MMP16: variants seen among roughly 807,000 people sequenced by gnomAD.
MMP16 encodes matrix metallopeptidase 16.
A neutral mutation model predicts 67.8 loss-of-function variants in MMP16; 12 were observed. The ratio of observed to expected loss-of-function variants is 0.18; its 90% confidence interval spans 0.11 to 0.29. MMP16 has a LOEUF of 0.29. MMP16 is among the 10% of genes least tolerant of loss of function. MMP16 has a pLI of 1.00. For synonymous variants in MMP16, 249 were observed against 255.9 expected (o/e 0.97, Z 0.26); for missense variants, 475 against 765.7 (o/e 0.62, Z 4.48).
At chr8:88,285,464 C>T (rs2130004025) in intron 1 of MMP16, among the ~76,000 whole-genome samples, 1 of 152,134 alleles carries the variant, frequency 6.6e-6, no homozygotes, top group South Asian at 2.1e-4. Flanking sequence ...TTTTATCTTT[C>T]CCACCATTTT....
intron 3 of MMP16, among the ~76,000 whole-genome samples, chr8:88,184,156 C>T (rs1428490670): frequency 2.0e-5 from 3 of 152,080 alleles, no homozygotes; most frequent in African/African-American, 7.2e-5. Context: ...TTATTTAATA[C>T]TCTATATTAC....
At chr8:88,320,986 A>T (rs1004119522) in intron 1 of MMP16, among the ~76,000 whole-genome samples, 20 of 152,298 alleles carry the variant, frequency 1.3e-4, no homozygotes, top group Non-Finnish European at 2.8e-4. Context: ...TTTCATGAAG[A>T]ACCTCAAAAT....
chr8:88,075,610 T>C (rs1808635272), intron 6 of MMP16, among the ~76,000 whole-genome samples: 1 of 152,102 alleles, frequency 6.6e-6, no homozygotes, highest in Admixed American at 6.6e-5. Context: ...CATTGAAAAT[T>C]TGAAATAAAT....
chr8:88,187,464 A>T (rs544874900), intron 2 of MMP16, among the ~76,000 whole-genome samples: 19 of 152,262 alleles, frequency 1.2e-4, no homozygotes, highest in African/African-American at 4.6e-4. Flanking sequence ...TTTGCTGTTT[A>T]TTAGCCCCTT....
rs1233880609 is a variant in MMP16 at position 88,186,555 on chromosome 8, C to T, written c.325G>A (p.Gly109Ser). 4.4e-6 allele frequency: 7 copies of T among 1,602,220 alleles called. No homozygotes were observed. The highest frequency in any genetic ancestry group is 6.0e-6 in the Non-Finnish European group (7 of 1,176,296). The change falls in exon 3 of 10, where the codon GGT (glycine) becomes AGT (serine). Residue 109 changes from glycine to serine, a missense_variant. Gly to Ser is a moderately conservative substitution (Grantham distance 56). Around this residue, in one of 5 missense-constraint regions of MMP16, gnomAD observed 170 missense variants for 239.6 expected, o/e 0.71. Coordinates refer to ENST00000286614, the MANE Select transcript of MMP16 (RefSeq NM_005941.5). ...CGACGAATATGAAATTTGGAGCTACCTCTTGTCTGGTCAGGTACACCGCAT... is the reference window on the plus strand; with the variant it reads ...CGACGAATATGAAATTTGGAGCTACTTCTTGTCTGGTCAGGTACACCGCAT... ...PRCGVPDQTR[G>S]SSKFHIRRKR... is the part of the protein sequence containing the mutation.
In MMP16 at chr8:88,041,328, G is replaced by T. The variant is rs1051665251; in HGVS notation, c.*133C>A. ...CATGTGCAGGACCAGCAACCCTCTG[G>T]GTTTGAAAGGTCAGCCCCGAATCAG... On this transcript the variant is annotated 3_prime_UTR_variant, in exon 10 of 10. Transcript: ENST00000286614. This position sits in a 1 kb window ranked among gnomAD's most constrained non-coding sequence, Gnocchi z 6.0. The T allele has an allele frequency of 8.4e-6, 7 of 831,148 alleles. No individual in the cohort carries two copies. The highest frequency in any genetic ancestry group is 6.8e-5 in the African/African-American group (4 of 58,530). The allele number at this position is 831,148 out of a possible 1,614,324, so 51.5% of individuals were successfully genotyped here.
intron 1 of MMP16, among the ~76,000 whole-genome samples, chr8:88,319,956 A>T (rs1811433192): frequency 6.6e-6 from 1 of 152,160 alleles, no homozygotes; most frequent in South Asian, 2.1e-4. Flanking sequence ...TGACTAGATT[A>T]AAAAACTTAC....
intron 6 of MMP16, among the ~76,000 whole-genome samples, chr8:88,082,527 G>A (rs1808769059): frequency 1.3e-5 from 2 of 152,040 alleles, no homozygotes; most frequent in Non-Finnish European, 2.9e-5. Flanking sequence ...TTCTCATTGT[G>A]ATGTCATTTT....
intron 6 of MMP16, among the ~76,000 whole-genome samples, chr8:88,113,543 G>A (rs983814500): frequency 1.3e-5 from 2 of 151,852 alleles, no homozygotes; most frequent in African/African-American, 4.8e-5. Flanking sequence ...ATAATGATGT[G>A]TATATTGAAG....
chr8:88,189,302 G>A (rs1228017135), intron 2 of MMP16, among the ~76,000 whole-genome samples: 1 of 152,024 alleles, frequency 6.6e-6, no homozygotes, highest in East Asian at 1.9e-4. Flanking sequence ...CCTGTCATCA[G>A]CTCTAATGTT....
At position 88,272,884 on chromosome 8, in the gene MMP16, T is replaced by C. The variant is rs376383359; in HGVS notation, c.132+54191A>G. 6.6e-5 allele frequency among the ~76,000 whole-genome samples: 10 copies of C among 152,196 alleles called. No individual in the cohort carries two copies. In the East Asian group the frequency reaches 1.5e-3, roughly 24 times the overall value. On this transcript the variant is annotated intron_variant, in intron 1 of 9. Transcript: ENST00000286614. ...TGGAATATCTGACCTCAACATTTCT[T>C]CCCCAGAGACTGTTAAGAATTAAAA...
chr8:88,048,294 C>A (rs1808224142), intron 8 of MMP16, among the ~76,000 whole-genome samples: 1 of 152,168 alleles, frequency 6.6e-6, no homozygotes, highest in South Asian at 2.1e-4. Flanking sequence ...CTCTCAGACT[C>A]TCATCCCTTC....
intron 1 of MMP16, among the ~76,000 whole-genome samples, chr8:88,211,340 G>A (rs939280): frequency 0.81 from 123,155 of 152,084 alleles, 50,043 homozygotes; most frequent in East Asian, 0.97. Flanking sequence ...TATTATTATT[G>A]CCATTGTAAT....
At chr8:88,161,988 T>A (rs758053705) in intron 4 of MMP16, among the ~76,000 whole-genome samples, 1 of 152,110 alleles carries the variant, frequency 6.6e-6, no homozygotes, top group Non-Finnish European at 1.5e-5. Context: ...TATAGTCAAT[T>A]TTGGAATAAG....
intron 4 of MMP16, among the ~76,000 whole-genome samples, chr8:88,138,360 C>T (rs1273458792): frequency 1.3e-5 from 2 of 151,908 alleles, no homozygotes; most frequent in African/African-American, 4.8e-5. Context: ...AGTATAGGGC[C>T]TAACAGGCCC....
intron 6 of MMP16, among the ~76,000 whole-genome samples, chr8:88,113,280 G>A (rs1168303930): frequency 6.6e-6 from 1 of 151,724 alleles, no homozygotes; most frequent in Non-Finnish European, 1.5e-5. Context: ...CAGAGAAGAT[G>A]GGACATCAGG....
chr8:88,282,081 T>C (rs1049219041), intron 1 of MMP16, among the ~76,000 whole-genome samples: 1 of 33,628 alleles, frequency 3.0e-5, no homozygotes, highest in Non-Finnish European at 6.4e-5. Context: ...TTTTTCTTTT[T>C]TGGGGGGGGG....
chr8:88,129,743 T>C (rs1586165894), intron 4 of MMP16, among the ~76,000 whole-genome samples: 1 of 151,676 alleles, frequency 6.6e-6, no homozygotes, highest in Admixed American at 6.6e-5. Flanking sequence ...ATACAAAATA[T>C]AAAAAAATTA....
At chr8:88,273,182 T>C (rs1018084393) in intron 1 of MMP16, among the ~76,000 whole-genome samples, 2 of 150,990 alleles carry the variant, frequency 1.3e-5, no homozygotes, top group African/African-American at 4.9e-5. Context: ...CTCTCAGGTT[T>C]GGGCAATTTC....
Sources: gnomAD v4.1 joint callset for allele counts (sites outside exome capture counted in the v4.1 genomes callset) on GRCh38, gnomAD v4.1.1 for gene constraint, gnomAD v4.1.1 regional missense constraint, Gnocchi (gnomAD v3.1) non-coding constraint, MANE v1.5 for transcripts, NCBI Gene and HGNC (gene_info 2026-07-23, HGNC 2026-07-21) for gene names.